SEC22A: variants seen among roughly 807,000 people sequenced by gnomAD.
The protein encoded by SEC22A is SEC22 homolog A, vesicle trafficking protein.
In SEC22A, 22 loss-of-function variants were observed where a neutral mutation model predicts 35.3. The observed-to-expected ratio is 0.62, with a 90% CI of 0.45 to 0.89. The LOEUF is 0.89. Ranked by LOEUF, SEC22A falls within the 40% of genes least tolerant of loss-of-function variation. The pLI, the probability that SEC22A is intolerant of heterozygous loss-of-function variation, is 0.00. For missense variants in SEC22A, 354 were observed against 362.5 expected, an observed-to-expected ratio of 0.98 and a Z score of 0.19; for synonymous variants, 119 against 129.5, an observed-to-expected ratio of 0.92 and a Z score of 0.55.
At chr3:123,254,817 T>C (rs1283832715) in intron 5 of SEC22A, among the ~76,000 whole-genome samples, 1 of 152,150 alleles carries the variant, frequency 6.6e-6, no homozygotes, top group Non-Finnish European at 1.5e-5. Context: ...ATGTGCCATG[T>C]TGGTGTGCTG....
chr3:123,273,569 G>C lies in SEC22A; in HGVS notation c.*1847G>C, dbSNP rs1938222218. On this transcript the variant is annotated 3_prime_UTR_variant, in exon 7 of 7. Coordinates refer to ENST00000492595, the MANE Select transcript of SEC22A (RefSeq NM_012430.5). ...GGCCTGTAATCCCAGCACTTTGGGAGGCCGAGACAGGCAGATCACTTGAGA... is the reference window on the plus strand; with the variant it reads ...GGCCTGTAATCCCAGCACTTTGGGACGCCGAGACAGGCAGATCACTTGAGA... The C allele has an allele frequency of 6.6e-6, 1 of 152,246 alleles. No homozygotes were observed. Among genetic ancestry groups the C allele is most frequent in the Admixed American group, 6.5e-5 (1 of 15,276 alleles). The allele number at this position is 152,246 out of a possible 1,614,324, so 9.4% of individuals were successfully genotyped here. A position where few individuals can be genotyped will look rare whatever the true frequency, so the allele number is the denominator to read the frequency against.
At chr3:123,252,508 GA>G (rs1202826813) in intron 5 of SEC22A, among the ~76,000 whole-genome samples, 1 of 152,084 alleles carries the variant, frequency 6.6e-6, no homozygotes, top group Non-Finnish European at 1.5e-5. Flanking sequence ...ACTTATTTGG[GA>G]ATTATAATTT....
intron 1 of SEC22A, among the ~76,000 whole-genome samples, chr3:123,205,575 C>A (rs1188133418): frequency 6.6e-6 from 1 of 152,130 alleles, no homozygotes; most frequent in Non-Finnish European, 1.5e-5. Flanking sequence ...GTAATCCCAG[C>A]TACTTGGCAG....
intron 5 of SEC22A, among the ~76,000 whole-genome samples, chr3:123,252,117 TCTTA>T (rs1012009318): frequency 5.3e-5 from 8 of 152,206 alleles, no homozygotes; most frequent in African/African-American, 1.9e-4. Context: ...ACCTGAGGTC[TCTTA>T]CTTTTAATTT....
intron 4 of SEC22A, among the ~76,000 whole-genome samples, chr3:123,234,865 A>G (rs1220415560): frequency 1.3e-5 from 2 of 152,068 alleles, no homozygotes; most frequent in African/African-American, 2.4e-5. Context: ...TCTACAAAAA[A>G]TACAAAAATT....
intron 2 of SEC22A, among the ~76,000 whole-genome samples, chr3:123,223,178 T>C (rs573140931): frequency 6.0e-4 from 91 of 152,346 alleles, no homozygotes; most frequent in African/African-American, 2.0e-3. Flanking sequence ...AGAGTGTTCC[T>C]GTCATCAGAA....
chr3:123,218,999 A>G (rs1448838492), intron 2 of SEC22A, among the ~76,000 whole-genome samples: 1 of 152,228 alleles, frequency 6.6e-6, no homozygotes, highest in African/African-American at 2.4e-5. Context: ...TTTGTGAAGA[A>G]AACTAACAGC....
At chr3:123,202,844 C>G (rs1412589173) in intron 1 of SEC22A, among the ~76,000 whole-genome samples, 1 of 152,106 alleles carries the variant, frequency 6.6e-6, no homozygotes, top group Non-Finnish European at 1.5e-5. Flanking sequence ...GGAACAGCCA[C>G]TTTTCAAACT....
At chr3:123,206,580 TTAAG>T (rs1936857168) in intron 1 of SEC22A, among the ~76,000 whole-genome samples, 2 of 148,002 alleles carry the variant, frequency 1.4e-5, no homozygotes, top group African/African-American at 5.0e-5. Flanking sequence ...GATTTAATAA[TTAAG>T]TAAAACATGG....
intron 6 of SEC22A, among the ~76,000 whole-genome samples, chr3:123,263,702 TG>T (rs1161029872): frequency 1.3e-5 from 2 of 151,972 alleles, no homozygotes; most frequent in East Asian, 3.9e-4. Flanking sequence ...TTAGTAGAGA[TG>T]GGGTTTCACC....
Position 123,263,145 on chromosome 3 carries a change from T to G in SEC22A, c.723+3556T>G, listed in dbSNP as rs1937930242. 2.6e-5 allele frequency among the ~76,000 whole-genome samples: 4 copies of G among 152,250 alleles called. No homozygotes were observed. The South Asian group carries it at 8.3e-4, about 31-fold the overall frequency. ...TAATTTTCTCATTTTAAGGACATTA[T>G]GTAAATGGAATTATATAGTATATAA... On this transcript the variant is annotated intron_variant, in intron 6 of 6. Coordinates refer to ENST00000492595, the MANE Select transcript of SEC22A (RefSeq NM_012430.5).
intron 1 of SEC22A, among the ~76,000 whole-genome samples, chr3:123,206,468 T>C (rs1274779377): frequency 1.3e-5 from 2 of 152,224 alleles, no homozygotes; most frequent in Non-Finnish European, 2.9e-5. Context: ...TGCAGTGTAC[T>C]TCTGGAAAGA....
chr3:123,227,591 A>C (rs1231754386), intron 4 of SEC22A, among the ~76,000 whole-genome samples: 2 of 152,230 alleles, frequency 1.3e-5, no homozygotes, highest in African/African-American at 2.4e-5. Flanking sequence ...TGTATCTCAG[A>C]ACTTAAAGTA....
At chr3:123,206,247 C>T (rs1030581689) in intron 1 of SEC22A, among the ~76,000 whole-genome samples, 1 of 152,114 alleles carries the variant, frequency 6.6e-6, no homozygotes, top group Non-Finnish European at 1.5e-5. Context: ...GCGTGTGCCA[C>T]CATGCCCAGC....
intron 4 of SEC22A, among the ~76,000 whole-genome samples, chr3:123,231,865 A>C (rs1937332295): frequency 6.6e-6 from 1 of 152,228 alleles, no homozygotes; most frequent in Non-Finnish European, 1.5e-5. Context: ...GTAGAGAAAA[A>C]TCAACAAAAC....
chr3:123,225,666 A>G (rs1237414591), intron 4 of SEC22A, among the ~76,000 whole-genome samples: 1 of 152,200 alleles, frequency 6.6e-6, no homozygotes, highest in Non-Finnish European at 1.5e-5. Context: ...GGTATTCATC[A>G]CCTCAAGCAT....
At chr3:123,269,179 A>ATGTG (rs200267944) in intron 6 of SEC22A, among the ~76,000 whole-genome samples, 3,110 of 120,678 alleles carry the variant, frequency 0.026, 71 homozygotes, top group East Asian at 0.14. Flanking sequence ...AATTAAATAT[A>ATGTG]TGTGTGTGTG....
At position 123,227,203 on chromosome 3, in the gene SEC22A, A is replaced by G. The variant is rs187931463; in HGVS notation, c.541+1906A>G. ...GTCAGACTATTTGTTTAAGAAAATTATTCCAACCTAAGGCTTTAGGAAAAA... is the reference window on the plus strand; with the variant it reads ...GTCAGACTATTTGTTTAAGAAAATTGTTCCAACCTAAGGCTTTAGGAAAAA... On this transcript the variant is annotated intron_variant, in intron 4 of 6. Coordinates refer to ENST00000492595, the MANE Select transcript of SEC22A (RefSeq NM_012430.5). 5.0e-4 allele frequency among the ~76,000 whole-genome samples: 75 copies of G among 151,170 alleles called. 1 individual carries two copies. Among genetic ancestry groups the G allele is most frequent in the Admixed American group, 7.3e-4 (11 of 15,116 alleles).
chr3:123,257,169 A>G (rs1481043150), intron 5 of SEC22A, among the ~76,000 whole-genome samples: 2 of 152,154 alleles, frequency 1.3e-5, no homozygotes, highest in East Asian at 3.8e-4. Context: ...TCTCTGTATC[A>G]ATTAAAGATT....
Sources: allele counts gnomAD v4.1 joint callset (sites outside exome capture counted in the v4.1 genomes callset), GRCh38; gene constraint gnomAD v4.1.1; transcripts MANE v1.5; gene names NCBI Gene and HGNC (gene_info 2026-07-23, HGNC 2026-07-21).